Variants in FAM83D observed in about 807,000 individuals in gnomAD.
FAM83D encodes protein FAM83D.
In FAM83D, 26 loss-of-function variants were observed where a neutral mutation model predicts 25.4. The ratio of observed to expected loss-of-function variants is 1.02; its 90% CI spans 0.75 to 1.42. The LOEUF (loss-of-function observed/expected upper bound fraction) is 1.42. FAM83D is among the 40% of genes most tolerant of loss of function. The probability of loss-of-function intolerance (pLI) is 0.00; values close to 1 mark genes in which losing one functional copy is unlikely to be tolerated. For missense variants in FAM83D, 740 were observed against 758.1 expected, an observed-to-expected ratio of 0.98 and a Z score of 0.28; for synonymous variants, 310 against 318.5, an observed-to-expected ratio of 0.97 and a Z score of 0.28.
At chr20:38,933,880 G>A (rs2085667770) in intron 1 of FAM83D, among the ~76,000 whole-genome samples, 1 of 146,416 alleles carries the variant, frequency 6.8e-6, no homozygotes, top group Non-Finnish European at 1.5e-5. Flanking sequence ...TTTTTTTTGA[G>A]AGTCTCGCTC....
chr20:38,932,536 T>C (rs2085662745), intron 1 of FAM83D, among the ~76,000 whole-genome samples: 2 of 152,266 alleles, frequency 1.3e-5, no homozygotes, highest in Non-Finnish European at 2.9e-5. Flanking sequence ...AGCAAGTTTT[T>C]GGATAATCTT....
chr20:38,939,431 C>A (rs1007559229), intron 1 of FAM83D, among the ~76,000 whole-genome samples: 2 of 152,098 alleles, frequency 1.3e-5, no homozygotes, highest in African/African-American at 4.8e-5. Flanking sequence ...TTCACTGCAA[C>A]CTTCACCTCC....
intron 2 of FAM83D, 68 bp downstream of exon 2, chr20:38,942,194 G>T: frequency 6.5e-7 from 1 of 1,549,958 alleles, no homozygotes. Context: ...TTATCTACAA[G>T]CTGGCTGGTG....
At chr20:38,932,178 G>A (rs2145800385) in intron 1 of FAM83D, among the ~76,000 whole-genome samples, 1 of 152,342 alleles carries the variant, frequency 6.6e-6, no homozygotes, top group East Asian at 1.9e-4. Context: ...TTGAGGCCAG[G>A]AGTTTGAGAC....
chr20:38,941,668 A>G (rs145946542), intron 1 of FAM83D, among the ~76,000 whole-genome samples: 1 of 152,336 alleles, frequency 6.6e-6, no homozygotes, highest in African/African-American at 2.4e-5. Context: ...GAGCAGGTTC[A>G]TAAGAGAGCA....
At chr20:38,929,157 G>C (rs531142265) in intron 1 of FAM83D, among the ~76,000 whole-genome samples, 1 of 147,488 alleles carries the variant, frequency 6.8e-6, no homozygotes, top group East Asian at 2.0e-4. Flanking sequence ...AGCTCTGGGC[G>C]ACAGAGCAAG....
rs1229756856 is a variant in FAM83D, at chr20:38,933,852, ATTTC to A, written c.483+6939_483+6942del. ...ACCACCATTCTACTTTCTGTCTGCC[ATTTC>A]TTTCTTTCTTTTTTTTTTTTTGAGA... On this transcript the variant is annotated intron_variant, in intron 1 of 3. Coordinates refer to ENST00000619850, the MANE Select transcript of FAM83D (RefSeq NM_030919.3). Among the ~76,000 whole-genome samples, 57 of 148,658 alleles carry A rather than the reference ATTTC, an allele frequency of 3.8e-4. 1 individual carries two copies. The highest frequency in any genetic ancestry group is 1.2e-3 in the African/African-American group (50 of 40,550).
chr20:38,947,576 C>G (rs537601821), intron 2 of FAM83D, among the ~76,000 whole-genome samples: 1 of 152,190 alleles, frequency 6.6e-6, no homozygotes, highest in Non-Finnish European at 1.5e-5. Flanking sequence ...GTTTAGTATC[C>G]CAAAAAGGTT....
rs1230153675 is a variant in FAM83D at position 38,926,551 on chromosome 20, G to A, written c.109G>A (p.Glu37Lys). ...CAGCGAGTCACGGCGCCTGGCTCTGGAGGAGCTGGTGGCGGGCGGCCCCGA... is the reference window on the plus strand; with the variant it reads ...CAGCGAGTCACGGCGCCTGGCTCTGAAGGAGCTGGTGGCGGGCGGCCCCGA... ...LFSESRRLAL[E>K]ELVAGGPEAF... Residue 37 changes from glutamate (E) to lysine (K), a missense_variant, in exon 1 of 4, where the codon GAG (glutamate) becomes AAG (lysine). Glu to Lys is a moderately conservative substitution (Grantham distance 56). Around this residue, in one of 3 missense-constraint regions of FAM83D, gnomAD observed 333 missense variants for 298.6 expected, o/e 1.12. Coordinates refer to ENST00000619850, the MANE Select transcript of FAM83D (RefSeq NM_030919.3). 11 of 1,580,012 alleles carry A rather than the reference G, an allele frequency of 7.0e-6. No homozygotes were observed. Among genetic ancestry groups the A allele is most frequent in the African/African-American group, 1.3e-5 (1 of 74,236 alleles).
chr20:38,950,270 C>T lies in FAM83D; in HGVS notation c.777-1269C>T, dbSNP rs561000246. On this transcript the variant is annotated intron_variant, in intron 3 of 3. Transcript: ENST00000619850. ...AACTTACTTGGCTCTGGTGGGATCA[C>T]ATGCCCACCCTGAATGAATCCCTGC... is the stretch of plus-strand genomic sequence containing the variant. 4.6e-5 allele frequency among the ~76,000 whole-genome samples: 7 copies of T among 152,350 alleles called. No individual in the cohort carries two copies. The East Asian group carries it at 1.2e-3, about 25-fold the overall frequency.
At chr20:38,934,085 ACGT>A (rs1251579021) in intron 1 of FAM83D, among the ~76,000 whole-genome samples, 1 of 151,950 alleles carries the variant, frequency 6.6e-6, no homozygotes, top group Non-Finnish European at 1.5e-5. Flanking sequence ...CAAGCTCCTG[ACGT>A]CGTGATCTGC....
At chr20:38,927,375 A>C (rs1158456119) in intron 1 of FAM83D, among the ~76,000 whole-genome samples, 2 of 152,198 alleles carry the variant, frequency 1.3e-5, no homozygotes, top group African/African-American at 4.8e-5. Flanking sequence ...TGGTCTCCAG[A>C]GACAACTACG....
chr20:38,930,262 T>A (rs1379537711), intron 1 of FAM83D, among the ~76,000 whole-genome samples: 1 of 152,220 alleles, frequency 6.6e-6, no homozygotes, highest in African/African-American at 2.4e-5. Flanking sequence ...GTGATATGAT[T>A]GAGCACTTTG....
rs145600826 is a variant in FAM83D at position 38,948,462 on chromosome 20, A to T, written c.776+462A>T. On this transcript the variant is annotated intron_variant, in intron 3 of 3. Coordinates refer to ENST00000619850, the MANE Select transcript of FAM83D (RefSeq NM_030919.3). ...GACTCAAATCCTCCACGTTGCTTCAAGCCTTGTAATTTAGAGCTTTAGTCT... is the reference window on the plus strand; with the variant it reads ...GACTCAAATCCTCCACGTTGCTTCATGCCTTGTAATTTAGAGCTTTAGTCT... Among the ~76,000 whole-genome samples the T allele has an allele frequency of 3.0e-3, 460 of 152,334 alleles. 4 individuals carry two copies. Among genetic ancestry groups the T allele is most frequent in the African/African-American group, 0.011 (440 of 41,572 alleles).
At chr20:38,946,002 G>GT (rs1044593694) in intron 2 of FAM83D, among the ~76,000 whole-genome samples, 1 of 151,938 alleles carries the variant, frequency 6.6e-6, no homozygotes, top group Non-Finnish European at 1.5e-5. Flanking sequence ...GAGGTCAGGA[G>GT]TTTGAGACCA....
In FAM83D at chr20:38,926,728, T is replaced by C; in HGVS notation, c.286T>C (p.Cys96Arg). The change falls in exon 1 of 4, where the codon TGC (cysteine) becomes CGC (arginine). Residue 96 changes from cysteine to arginine, a missense_variant. By Grantham distance (180) the Cys-to-Arg change is radical. This residue lies in a region of FAM83D where 333 missense variants were observed against 298.6 expected (regional missense o/e 1.12). Transcript: ENST00000619850. ...GGACTCGTTCGGCTCCTCGCACGAC[T>C]GCTCTTCGGGCACCTACTTCCCCGA... ...AEDSFGSSHD[C>R]SSGTYFPEQS... 1 of 1,527,458 alleles carries C rather than the reference T, an allele frequency of 6.5e-7. No individual in the cohort carries two copies. The highest frequency in any genetic ancestry group is 8.7e-7 in the Non-Finnish European group (1 of 1,144,026). The allele number at this position is 1,527,458 out of a possible 1,614,324, so 94.6% of individuals were successfully genotyped here.
chr20:38,948,972 T>G (rs2085741285), intron 3 of FAM83D, among the ~76,000 whole-genome samples: 1 of 152,228 alleles, frequency 6.6e-6, no homozygotes, highest in Non-Finnish European at 1.5e-5. Flanking sequence ...TTAAAAAAAT[T>G]TGTTTTTAAC....
Position 38,926,547 on chromosome 20 carries a change from TCTGGAGGAG to T in FAM83D, c.110_118del (p.Glu37_Leu39del). ...TGTTCAGCGAGTCACGGCGCCTGGC[TCTGGAGGAG>T]CTGGTGGCGGGCGGCCCCGAAGCCT... On this transcript the variant is annotated inframe_deletion, in exon 1 of 4. Coordinates refer to ENST00000619850, the MANE Select transcript of FAM83D (RefSeq NM_030919.3). The T allele has an allele frequency of 6.3e-7, 1 of 1,582,660 alleles. No individual in the cohort carries two copies. Among genetic ancestry groups the T allele is most frequent in the Non-Finnish European group, 8.5e-7 (1 of 1,171,610 alleles).
rs1178118286 is a variant in FAM83D, at chr20:38,951,841, C to G, written c.1079C>G (p.Pro360Arg). 2 of 1,614,082 alleles carry G rather than the reference C, an allele frequency of 1.2e-6. No homozygotes were observed. Among genetic ancestry groups the G allele is most frequent in the Non-Finnish European group, 1.7e-6 (2 of 1,180,042 alleles). Reference sequence around the variant, plus strand: ...GCAGAGGGCAAGGCAGAGCGCAAGCCCCATGACTGTGAGTCCTCTACTGTT... The same window carrying G: ...GCAGAGGGCAAGGCAGAGCGCAAGCGCCATGACTGTGAGTCCTCTACTGTT... ...MPAEGKAERKPHDCESSTVSE... is the reference protein window; with the variant it reads ...MPAEGKAERKRHDCESSTVSE... The change falls in exon 4 of 4, where the codon CCC (proline) becomes CGC (arginine). Residue 360 changes from proline to arginine, a missense_variant. Pro to Arg is a moderately radical substitution (Grantham distance 103). This residue lies in a region of FAM83D where 375 missense variants were observed against 403.2 expected (regional missense o/e 0.93). Transcript: ENST00000619850.
Sources: gnomAD v4.1 joint callset for allele counts (sites outside exome capture counted in the v4.1 genomes callset) on GRCh38, gnomAD v4.1.1 for gene constraint, gnomAD v4.1.1 regional missense constraint, MANE v1.5 for transcripts, NCBI Gene and HGNC (gene_info 2026-07-23, HGNC 2026-07-21) for gene names.